CACNA2D4: variants seen among roughly 807,000 people sequenced by gnomAD.
The protein encoded by CACNA2D4 is voltage-dependent calcium channel subunit alpha-2/delta-4.
CACNA2D4 carries 157 observed loss-of-function variants against 163.8 expected under a neutral mutation model. That is an observed-to-expected ratio of 0.96 (90% CI 0.84 to 1.09). The LOEUF (loss-of-function observed/expected upper bound fraction) is 1.09. Among genes scored for constraint, CACNA2D4 ranks in the 50% least tolerant of loss-of-function variants. The pLI, the probability that CACNA2D4 is intolerant of heterozygous loss-of-function variation, is 0.00. For synonymous variants in CACNA2D4, 598 were observed against 586.9 expected, an observed-to-expected ratio of 1.02 and a Z score of -0.27; for missense variants, 1,410 against 1,479.9, an observed-to-expected ratio of 0.95 and a Z score of 0.78.
chr12:1,851,002 C>A (rs1592710428), intron 23 of CACNA2D4, among the ~76,000 whole-genome samples: 3 of 152,196 alleles, frequency 2.0e-5, no homozygotes, highest in Non-Finnish European at 4.4e-5. Flanking sequence ...CCCTGAGCAG[C>A]TGAGTAGCTG....
chr12:1,823,095 C>G (rs1252021907), intron 26 of CACNA2D4: 2 of 152,384 alleles, frequency 1.3e-5, no homozygotes, highest in Non-Finnish European at 2.9e-5. Flanking sequence ...GGTATGGACT[C>G]TTGACCAAGG....
intron 26 of CACNA2D4, chr12:1,835,545 A>C (rs1418365854): frequency 1.3e-5 from 2 of 152,588 alleles, no homozygotes. Flanking sequence ...TCGCGTGCTC[A>C]CTGCAATCTT....
Position 1,792,202 on chromosome 12 carries a change from A to G in CACNA2D4, c.*1453T>C, listed in dbSNP as rs1249765247. 2.1e-5 allele frequency: 3 copies of G among 145,562 alleles called. No homozygotes were observed. Among genetic ancestry groups the G allele is most frequent in the Non-Finnish European group, 4.6e-5 (3 of 64,864 alleles). 9.0% of individuals were successfully genotyped at this position (145,562 alleles called of 1,614,324 possible). The stretch of plus-strand genomic sequence containing the variant: ...ACATGTAAACCTTAGCTGTTCTAGC[A>G]TTATTCTGCCACTTAAGCTGTCTTC... On this transcript the variant is annotated 3_prime_UTR_variant, in exon 38 of 38. Transcript: ENST00000382722.
chr12:1,817,476 T>A (rs1863915068), intron 26 of CACNA2D4, among the ~76,000 whole-genome samples: 1 of 151,808 alleles, frequency 6.6e-6, no homozygotes, highest in African/African-American at 2.4e-5. Flanking sequence ...CTCTCCCCTC[T>A]CCCCTCTCCC....
chr12:1,815,288 T>C (rs917605389), intron 26 of CACNA2D4, among the ~76,000 whole-genome samples: 3 of 144,232 alleles, frequency 2.1e-5, no homozygotes, highest in African/African-American at 2.9e-5. Flanking sequence ...CTCTCAAACA[T>C]GTTAAGCTCA....
chr12:1,813,779 A>C (rs1296974601), intron 26 of CACNA2D4, among the ~76,000 whole-genome samples: 3 of 152,108 alleles, frequency 2.0e-5, no homozygotes, highest in Non-Finnish European at 1.5e-5. Flanking sequence ...GGTAGCTGAA[A>C]GGAGTGGGCT....
intron 18 of CACNA2D4, among the ~76,000 whole-genome samples, chr12:1,873,973 T>G (rs2154449218): frequency 6.6e-6 from 1 of 152,196 alleles, no homozygotes; most frequent in South Asian, 2.1e-4. Context: ...CTGAGGCAGA[T>G]GGGCAGGGGA....
At chr12:1,895,015 A>G (rs1172626937) in intron 6 of CACNA2D4, among the ~76,000 whole-genome samples, 1 of 152,262 alleles carries the variant, frequency 6.6e-6, no homozygotes, top group Non-Finnish European at 1.5e-5. Context: ...AAACTCTTAG[A>G]TATGATAAAT....
At position 1,907,955 on chromosome 12, in the gene CACNA2D4, T is replaced by C; in HGVS notation, c.569A>G (p.Glu190Gly). Residue 190 changes from glutamate to glycine, a missense_variant, in exon 5 of 38, where the codon GAG becomes GGG. By Grantham distance (98) the Glu-to-Gly change is moderately conservative (BLOSUM62 -2). Transcript: ENST00000382722. ...FVELGAEFLL[E>G]SNAHFSNLPV... ...CAGGTTGCTGAAGTGAGCATTGGAC[T>C]CCAGGAGGAACTCGGCGCCCAGCTC... 1 of 1,614,038 alleles carries C rather than the reference T, an allele frequency of 6.2e-7. No individual in the cohort carries two copies. The highest frequency in any genetic ancestry group is 8.5e-7 in the Non-Finnish European group (1 of 1,179,876).
chr12:1,878,094 G>A lies in CACNA2D4; in HGVS notation c.1719+221C>T, dbSNP rs1468641557. Among the ~76,000 whole-genome samples, 1 of 152,158 alleles carries A rather than the reference G, an allele frequency of 6.6e-6. No homozygotes were observed. Among genetic ancestry groups the A allele is most frequent in the Non-Finnish European group, 1.5e-5 (1 of 68,028 alleles). ...TGCACACTTCGTTACGTGCTCTCTG[G>A]CCCACTCATCAGTCATTTCACATGT... On this transcript the variant is annotated intron_variant, in intron 16 of 37. Transcript: ENST00000382722. The surrounding 1 kb of genome is among the most constrained non-coding windows in gnomAD (Gnocchi z 4.6).
intron 20 of CACNA2D4, among the ~76,000 whole-genome samples, chr12:1,857,339 T>C (rs1367352874): frequency 6.6e-6 from 1 of 152,118 alleles, no homozygotes; most frequent in African/African-American, 2.4e-5. Context: ...AGGAGGGCAC[T>C]CCAGGGCAGA....
In CACNA2D4 at chr12:1,806,833, C is replaced by T. The variant is rs1471838487; in HGVS notation, c.2721+3445G>A. 6.6e-6 allele frequency among the ~76,000 whole-genome samples: 1 copy of T among 152,100 alleles called. No individual in the cohort carries two copies. Among genetic ancestry groups the T allele is most frequent in the East Asian group, 1.9e-4 (1 of 5,148 alleles). On this transcript the variant is annotated intron_variant, in intron 29 of 37. Coordinates refer to ENST00000382722, the MANE Select transcript of CACNA2D4 (RefSeq NM_172364.5). The surrounding 1 kb of genome is among the most constrained non-coding windows in gnomAD (Gnocchi z 4.1). ...CCCAGATGCTGGGGCTTCTGTCCTT[C>T]AGCCACACTGGAGGCCTAGAGATAA... is the stretch of plus-strand genomic sequence containing the variant.
intron 23 of CACNA2D4, among the ~76,000 whole-genome samples, chr12:1,849,154 G>T (rs736310): frequency 0.15 from 23,122 of 152,190 alleles, 2,259 homozygotes; most frequent in East Asian, 0.41. Flanking sequence ...CGAAGTCTGG[G>T]GCTGGGGCAC....
intron 6 of CACNA2D4, among the ~76,000 whole-genome samples, chr12:1,894,625 T>TG (rs201417181): frequency 8.7e-5 from 2 of 23,116 alleles, no homozygotes; most frequent in African/African-American, 5.4e-4. Flanking sequence ...ATCAAAAGAA[T>TG]GAAAATAACC....
At chr12:1,882,819 C>T (rs1195194746) in intron 13 of CACNA2D4, 48 bp downstream of exon 13, 1 of 1,607,286 alleles carries the variant, frequency 6.2e-7, no homozygotes, top group Non-Finnish European at 8.5e-7. Flanking sequence ...CCTGGGGTCC[C>T]TAACTCTGAG....
intron 36 of CACNA2D4, 28 bp downstream of exon 36, chr12:1,795,640 G>A (rs1233635463): frequency 2.0e-6 from 3 of 1,478,482 alleles, no homozygotes; most frequent in Non-Finnish European, 2.8e-6. Flanking sequence ...CGCCCCCACC[G>A]CACACATCCC....
chr12:1,900,544 T>C (rs1866512637), intron 6 of CACNA2D4, among the ~76,000 whole-genome samples: 1 of 152,186 alleles, frequency 6.6e-6, no homozygotes, highest in Non-Finnish European at 1.5e-5. Flanking sequence ...GAAAACCAAT[T>C]TGGAATTTTC....
chr12:1,826,288 T>C (rs1236898761), intron 26 of CACNA2D4, among the ~76,000 whole-genome samples: 7 of 151,734 alleles, frequency 4.6e-5, no homozygotes, highest in East Asian at 1.9e-4. Flanking sequence ...TTGATCCTCA[T>C]AGAAACTCCA....
At chr12:1,871,509 G>GGT (rs751314525) in intron 18 of CACNA2D4, among the ~76,000 whole-genome samples, 32 of 150,910 alleles carry the variant, frequency 2.1e-4, no homozygotes, top group East Asian at 9.8e-4. Flanking sequence ...GTGTGTTGCT[G>GGT]GTGTGTGTGT....
Sources: gnomAD v4.1 joint callset for allele counts (sites outside exome capture counted in the v4.1 genomes callset) on GRCh38, gnomAD v4.1.1 for gene constraint, Gnocchi (gnomAD v3.1) non-coding constraint, MANE v1.5 for transcripts, NCBI Gene and HGNC (gene_info 2026-07-23, HGNC 2026-07-21) for gene names.